The following GLIS3 variants were observed in gnomAD, a reference collection of about 807,000 sequenced individuals.
GLIS3 encodes GLIS family zinc finger 3.
Under a neutral mutation model 78.6 loss-of-function variants are expected in GLIS3, and 53 were observed. That is an observed-to-expected ratio of 0.67 (90% CI 0.54 to 0.85). The LOEUF (loss-of-function observed/expected upper bound fraction) is 0.85, where lower values mean the gene tolerates loss of function less well. GLIS3 is among the 40% of genes least tolerant of loss of function. The pLI, the probability that GLIS3 is intolerant of heterozygous loss-of-function variation, is 0.00. For synonymous variants in GLIS3, 684 were observed against 509.9 expected, an observed-to-expected ratio of 1.34 and a Z score of -4.60; for missense variants, 1,703 against 1,231.1, an observed-to-expected ratio of 1.38 and a Z score of -5.74.
intron 3 of GLIS3, among the ~76,000 whole-genome samples, chr9:4,309,378 C>T (rs1461791622): frequency 2.0e-5 from 3 of 152,166 alleles, no homozygotes; most frequent in Non-Finnish European, 4.4e-5. Flanking sequence ...ACAATTTCCA[C>T]TTATGAACAA....
the GLIS3 span, among the ~76,000 whole-genome samples, chr9:4,412,342 G>A: frequency 6.6e-6 from 1 of 152,174 alleles, no homozygotes; most frequent in African/African-American, 2.4e-5. Context: ...AGTTACCTTA[G>A]ACTGGCGCCT....
the GLIS3 span, among the ~76,000 whole-genome samples, chr9:4,413,386 C>T: frequency 6.6e-6 from 1 of 152,170 alleles, no homozygotes; most frequent in Non-Finnish European, 1.5e-5. Context: ...TCCAATCTCA[C>T]GGTCATACTG....
the GLIS3 span, among the ~76,000 whole-genome samples, chr9:4,421,132 C>T: frequency 1.3e-5 from 2 of 152,182 alleles, no homozygotes; most frequent in African/African-American, 2.4e-5. Flanking sequence ...ACTTGTAAAG[C>T]ACTGTGAAAG....
intron 2 of GLIS3, among the ~76,000 whole-genome samples, chr9:4,224,777 A>G (rs1438542817): frequency 6.6e-6 from 1 of 151,546 alleles, no homozygotes. Flanking sequence ...TTTGGAACAA[A>G]GGAAGTATTT....
intron 6 of GLIS3, among the ~76,000 whole-genome samples, chr9:3,929,286 G>C (rs1252134849): frequency 6.6e-6 from 1 of 152,174 alleles, no homozygotes; most frequent in African/African-American, 2.4e-5. Context: ...AAAGAGAAAA[G>C]TTACTCTTCT....
chr9:4,068,325 T>C (rs999380958), intron 4 of GLIS3, among the ~76,000 whole-genome samples: 1 of 152,060 alleles, frequency 6.6e-6, no homozygotes, highest in African/African-American at 2.4e-5. Flanking sequence ...TTACAGAGAA[T>C]CAGTAGTATT....
intron 2 of GLIS3, among the ~76,000 whole-genome samples, chr9:4,246,272 T>C (rs1823794064): frequency 6.6e-6 from 1 of 152,190 alleles, no homozygotes; most frequent in Non-Finnish European, 1.5e-5. Context: ...AATAACTATT[T>C]CATTTAAATG....
intron 4 of GLIS3, among the ~76,000 whole-genome samples, chr9:3,945,113 A>G (rs117574673): frequency 2.0e-5 from 3 of 152,336 alleles, no homozygotes; most frequent in Non-Finnish European, 2.9e-5. Context: ...CAGCACTGAC[A>G]CATGGGGGGA....
intron 2 of GLIS3, among the ~76,000 whole-genome samples, chr9:4,313,072 G>C (rs556345025): frequency 7.5e-4 from 114 of 152,168 alleles, no homozygotes; most frequent in African/African-American, 2.7e-3. Flanking sequence ...GTTTCTTTGG[G>C]GAAGACAAAA....
chr9:3,995,410 G>T (rs1215950974), intron 4 of GLIS3, among the ~76,000 whole-genome samples: 1 of 152,068 alleles, frequency 6.6e-6, no homozygotes, highest in Non-Finnish European at 1.5e-5. Context: ...AGGTTCTAAA[G>T]AATGGCAGCT....
At chr9:4,270,886 GTGGTGTGTGTGTGTGT>G (rs971276025) in intron 2 of GLIS3, among the ~76,000 whole-genome samples, 2 of 134,150 alleles carry the variant, frequency 1.5e-5, no homozygotes, top group African/African-American at 6.0e-5. Context: ...CTCAATCTGT[GTGGTGTGTGTGTGTGT>G]GTGTGTGTGT....
chr9:3,862,072 T>C (rs1281160914), intron 8 of GLIS3, among the ~76,000 whole-genome samples: 1 of 152,156 alleles, frequency 6.6e-6, no homozygotes, highest in Non-Finnish European at 1.5e-5. Flanking sequence ...CAGTGGAGTA[T>C]CCTGAGTCCA....
At chr9:4,291,047 T>C (rs1437706435) in intron 1 of GLIS3, among the ~76,000 whole-genome samples, 1 of 152,130 alleles carries the variant, frequency 6.6e-6, no homozygotes, top group Non-Finnish European at 1.5e-5. Context: ...AGAACTGAGA[T>C]AATTCCTCAT....
the GLIS3 span, among the ~76,000 whole-genome samples, chr9:4,361,651 A>C: frequency 6.6e-6 from 1 of 152,084 alleles, no homozygotes; most frequent in Admixed American, 6.6e-5. Context: ...CCACATTTCT[A>C]CCCTAGCCAG....
chr9:4,485,482 T>C, the GLIS3 span, among the ~76,000 whole-genome samples: 1 of 152,154 alleles, frequency 6.6e-6, no homozygotes, highest in Non-Finnish European at 1.5e-5. Flanking sequence ...ACCAGCAGCA[T>C]CTGTTCCCTA....
At chr9:4,193,494 T>G (rs1253430572) in intron 2 of GLIS3, among the ~76,000 whole-genome samples, 1 of 152,140 alleles carries the variant, frequency 6.6e-6, no homozygotes, top group Non-Finnish European at 1.5e-5. Context: ...AGAAGGAAGA[T>G]CAGTAAGATG....
chr9:4,470,846 T>G, the GLIS3 span, among the ~76,000 whole-genome samples: 1 of 151,888 alleles, frequency 6.6e-6, no homozygotes, highest in Non-Finnish European at 1.5e-5. Flanking sequence ...ATTGTATATC[T>G]AGAAAACCCC....
intron 2 of GLIS3, among the ~76,000 whole-genome samples, chr9:4,232,722 T>G (rs1822383581): frequency 6.6e-6 from 1 of 152,214 alleles, no homozygotes; most frequent in Non-Finnish European, 1.5e-5. Context: ...GATGAGGAAG[T>G]TGGAGGACAC....
intron 4 of GLIS3, among the ~76,000 whole-genome samples, chr9:3,980,641 G>GC (rs2130964960): frequency 6.6e-6 from 1 of 152,296 alleles, no homozygotes; most frequent in African/African-American, 2.4e-5. Flanking sequence ...GAGTGATAAT[G>GC]TTTTTTAATC....
Sources: allele counts gnomAD v4.1 joint callset (sites outside exome capture counted in the v4.1 genomes callset), GRCh38; gene constraint gnomAD v4.1.1; transcripts MANE v1.5; gene names NCBI Gene and HGNC (gene_info 2026-07-23, HGNC 2026-07-21).